ATP6V1G3: variants seen among roughly 807,000 people sequenced by gnomAD.
ATP6V1G3 encodes ATPase H+ transporting V1 subunit G3, also known as V-type proton ATPase subunit G 3.
Under a neutral mutation model 9.3 loss-of-function variants are expected in ATP6V1G3, and 9 were observed. The observed-to-expected ratio is 0.97, with a 90% CI of 0.59 to 1.69. The LOEUF is 1.69. Among genes scored for constraint, ATP6V1G3 ranks in the 40% most tolerant of loss-of-function variants. The pLI, the probability that ATP6V1G3 is intolerant of heterozygous loss-of-function variation, is 0.00. For missense variants in ATP6V1G3, 133 were observed against 139.0 expected (o/e 0.96, Z 0.22); for synonymous variants, 43 against 43.8 (o/e 0.98, Z 0.07).
At chr1:198,540,435 T>A in intron 1 of ATP6V1G3, 134 bp downstream of exon 1, 1 of 795,852 alleles carries the variant, frequency 1.3e-6, no homozygotes, top group Non-Finnish European at 2.1e-6. Context: ...TTTTAATGAA[T>A]GGGTGAAGGT....
At chr1:198,529,220 A>G (rs1659792590) in intron 1 of ATP6V1G3, 39 bp from the exon 2 acceptor site, 5 of 390,118 alleles carry the variant, frequency 1.3e-5, no homozygotes, top group Non-Finnish European at 2.0e-5. Context: ...ATATATAATT[A>G]TATATATCAA....
At chr1:198,523,853 C>T (rs1344573358) in intron 2 of ATP6V1G3, among the ~76,000 whole-genome samples, 2 of 152,088 alleles carry the variant, frequency 1.3e-5, no homozygotes, top group African/African-American at 4.8e-5. Context: ...AGTTCTTTTC[C>T]ATCACATTTT....
intron 1 of ATP6V1G3, among the ~76,000 whole-genome samples, chr1:198,535,240 C>A (rs1175893331): frequency 6.6e-6 from 1 of 152,036 alleles, no homozygotes; most frequent in Non-Finnish European, 1.5e-5. Flanking sequence ...TATTTACAAG[C>A]CTACAAAACA....
intron 2 of ATP6V1G3, among the ~76,000 whole-genome samples, chr1:198,528,199 T>C (rs553748068): frequency 6.6e-6 from 1 of 152,242 alleles, no homozygotes; most frequent in African/African-American, 2.4e-5. Flanking sequence ...TCCATTTAAT[T>C]CTAGAAAGGA....
At chr1:198,527,411 G>GATAT (rs886750660) in intron 2 of ATP6V1G3, among the ~76,000 whole-genome samples, 7 of 152,020 alleles carry the variant, frequency 4.6e-5, no homozygotes, top group Non-Finnish European at 1.0e-4. Flanking sequence ...ACCTGAACAA[G>GATAT]ATATATATAT....
intron 1 of ATP6V1G3, among the ~76,000 whole-genome samples, chr1:198,535,804 A>G (rs1395029756): frequency 2.0e-5 from 3 of 152,164 alleles, no homozygotes; most frequent in Non-Finnish European, 2.9e-5. Context: ...ACCCAAGGTC[A>G]CACAGCTAAT....
At chr1:198,529,057 A>G in intron 2 of ATP6V1G3, 24 bp downstream of exon 2, 1 of 1,140,480 alleles carries the variant, frequency 8.8e-7, no homozygotes, top group Non-Finnish European at 1.3e-6. Flanking sequence ...CTGCATAAGA[A>G]ACAGTGCTGA....
intron 1 of ATP6V1G3, among the ~76,000 whole-genome samples, chr1:198,536,186 C>G (rs1361310850): frequency 1.3e-5 from 2 of 152,082 alleles, no homozygotes; most frequent in African/African-American, 4.8e-5. Context: ...GAATTGCATG[C>G]ATTTGAGTAT....
In ATP6V1G3 at chr1:198,523,357, C is replaced by A. The variant is rs1433510401; in HGVS notation, c.*34G>T. 1.3e-6 allele frequency: 2 copies of A among 1,593,870 alleles called. No homozygotes were observed. The highest frequency in any genetic ancestry group is 1.7e-6 in the Non-Finnish European group (2 of 1,170,088). On this transcript the variant is annotated 3_prime_UTR_variant, in exon 3 of 3. Coordinates refer to ENST00000367382, the MANE Select transcript of ATP6V1G3 (RefSeq NM_001376861.1). ...CATAAGCAACCAGGTGGCACTCACA[C>A]ACCTTTTTTTTTCTTGAAAACTGTG...
At chr1:198,524,596 C>T (rs1320242423) in intron 2 of ATP6V1G3, among the ~76,000 whole-genome samples, 1 of 152,082 alleles carries the variant, frequency 6.6e-6, no homozygotes, top group African/African-American at 2.4e-5. Flanking sequence ...TTTCTATTAT[C>T]TCCTCTTTCC....
chr1:198,539,142 T>A (rs1660247167), intron 1 of ATP6V1G3, among the ~76,000 whole-genome samples: 1 of 152,220 alleles, frequency 6.6e-6, no homozygotes, highest in Non-Finnish European at 1.5e-5. Flanking sequence ...TCATTCCTTT[T>A]ATGTTGTTGA....
intron 1 of ATP6V1G3, 44 bp from the exon 2 acceptor site, chr1:198,529,225 T>TTG: frequency 2.4e-6 from 1 of 415,018 alleles, no homozygotes; most frequent in Non-Finnish European, 3.6e-6. Context: ...TAATTATATA[T>TTG]ATCAATATAT....
chr1:198,537,628 A>G (rs1379419598), intron 1 of ATP6V1G3, among the ~76,000 whole-genome samples: 2 of 152,200 alleles, frequency 1.3e-5, no homozygotes, highest in Non-Finnish European at 2.9e-5. Context: ...GAATCTTTGT[A>G]TGAAAAAATA....
chr1:198,532,239 G>C (rs1006966025), intron 1 of ATP6V1G3, among the ~76,000 whole-genome samples: 2 of 152,082 alleles, frequency 1.3e-5, no homozygotes, highest in African/African-American at 4.8e-5. Context: ...AGAAAAGAAG[G>C]CTAAGGTCTC....
At chr1:198,529,509 C>T (rs73077371) in intron 1 of ATP6V1G3, among the ~76,000 whole-genome samples, 2,384 of 152,052 alleles carry the variant, frequency 0.016, 76 homozygotes, top group African/African-American at 0.054. Flanking sequence ...TTACTCACAG[C>T]AGTAATGCCA....
intron 1 of ATP6V1G3, among the ~76,000 whole-genome samples, chr1:198,532,298 G>A (rs554774280): frequency 6.6e-6 from 1 of 152,290 alleles, no homozygotes. Flanking sequence ...AAGGAGGAAG[G>A]TTGGAAGGAG....
chr1:198,529,394 A>G (rs1206136601), intron 1 of ATP6V1G3, among the ~76,000 whole-genome samples: 2 of 151,704 alleles, frequency 1.3e-5, no homozygotes, highest in African/African-American at 4.8e-5. Context: ...AACTTTGCTA[A>G]AAAAATAGAT....
chr1:198,525,551 A>G (rs138465197), intron 2 of ATP6V1G3, among the ~76,000 whole-genome samples: 2,418 of 152,272 alleles, frequency 0.016, 67 homozygotes, highest in African/African-American at 0.055. Flanking sequence ...AAGGCAACTC[A>G]TATATATGTA....
At position 198,523,260 on chromosome 1, in the gene ATP6V1G3, G is replaced by A. The variant is rs1230954677; in HGVS notation, c.*131C>T. 1 of 880,108 alleles carries A rather than the reference G, an allele frequency of 1.1e-6. No individual in the cohort carries two copies. Among genetic ancestry groups the A allele is most frequent in the African/African-American group, 1.7e-5 (1 of 58,364 alleles). The allele number at this position is 880,108 out of a possible 1,614,324, so 54.5% of individuals were successfully genotyped here. On this transcript the variant is annotated 3_prime_UTR_variant, in exon 3 of 3. Coordinates refer to ENST00000367382, the MANE Select transcript of ATP6V1G3 (RefSeq NM_001376861.1). ...TGTTTAATTCAGTGCCGATGTATGAGTTATGTCACATTTCCTGTAAATGTA... is the reference window on the plus strand; with the variant it reads ...TGTTTAATTCAGTGCCGATGTATGAATTATGTCACATTTCCTGTAAATGTA...
Sources: allele counts gnomAD v4.1 joint callset (sites outside exome capture counted in the v4.1 genomes callset), GRCh38; gene constraint gnomAD v4.1.1; transcripts MANE v1.5; gene names NCBI Gene and HGNC (gene_info 2026-07-23, HGNC 2026-07-21).